SLC24A3: variants seen among roughly 807,000 people sequenced by gnomAD.
The protein encoded by SLC24A3 is solute carrier family 24 member 3.
In SLC24A3, 28 loss-of-function variants were observed where a neutral mutation model predicts 75.8. That is an observed-to-expected ratio of 0.37 (90% CI 0.27 to 0.51). The LOEUF (loss-of-function observed/expected upper bound fraction) is 0.51, where lower values mean the gene tolerates loss of function less well. SLC24A3 is among the 20% of genes least tolerant of loss of function. The probability of loss-of-function intolerance (pLI) is 0.94; values close to 1 mark genes in which losing one functional copy is unlikely to be tolerated. For synonymous variants in SLC24A3, 372 were observed against 334.1 expected (o/e 1.11, Z -1.24); for missense variants, 663 against 847.8 (o/e 0.78, Z 2.71).
intron 2 of SLC24A3, among the ~76,000 whole-genome samples, chr20:19,449,677 C>T (rs73900160): frequency 0.015 from 2,220 of 152,266 alleles, 48 homozygotes; most frequent in African/African-American, 0.051. Context: ...TCTTCCTGGG[C>T]AGTCATGTTT....
In SLC24A3 at chr20:19,687,470, G is replaced by C. The variant is rs142895679; in HGVS notation, c.1324+2109G>C. On this transcript the variant is annotated intron_variant, in intron 12 of 16. Coordinates refer to ENST00000328041, the MANE Select transcript of SLC24A3 (RefSeq NM_020689.4). ...CCACTCACAGACCCTGAGAATCTTAGGGACCTGTGTCTAGAATTCCACTTA... is the reference window on the plus strand; with the variant it reads ...CCACTCACAGACCCTGAGAATCTTACGGACCTGTGTCTAGAATTCCACTTA... 2.6e-5 allele frequency among the ~76,000 whole-genome samples: 4 copies of C among 152,308 alleles called. No individual in the cohort carries two copies. In the East Asian group the frequency reaches 7.7e-4, roughly 29 times the overall value.
intron 9 of SLC24A3, among the ~76,000 whole-genome samples, chr20:19,678,437 C>T (rs1251219235): frequency 7.4e-6 from 1 of 135,214 alleles, no homozygotes; most frequent in South Asian, 2.2e-4. Context: ...CCTCACCTCC[C>T]GGACGGGGCG....
intron 6 of SLC24A3, among the ~76,000 whole-genome samples, chr20:19,652,677 C>A (rs1471110870): frequency 1.3e-5 from 2 of 152,142 alleles, no homozygotes; most frequent in African/African-American, 4.8e-5. Flanking sequence ...AAGAGACTGG[C>A]CTTGTTATTC....
chr20:19,249,676 G>T (rs1982594179), intron 1 of SLC24A3, among the ~76,000 whole-genome samples: 1 of 152,122 alleles, frequency 6.6e-6, no homozygotes, highest in Admixed American at 6.5e-5. Context: ...TTCACAATTT[G>T]CTGTCTATTG....
chr20:19,693,704 G>A, intron 13 of SLC24A3: 1 of 352,996 alleles, frequency 2.8e-6, no homozygotes, highest in Non-Finnish European at 5.2e-6. Flanking sequence ...GGCAGCAGGT[G>A]GGGTCCATGT....
intron 2 of SLC24A3, among the ~76,000 whole-genome samples, chr20:19,471,820 C>T (rs974863684): frequency 2.0e-5 from 3 of 152,140 alleles, no homozygotes; most frequent in Admixed American, 2.0e-4. Context: ...AAAGTTTTAA[C>T]TGAATGGAGG....
At chr20:19,374,032 C>T (rs1376935783) in intron 2 of SLC24A3, among the ~76,000 whole-genome samples, 2 of 152,152 alleles carry the variant, frequency 1.3e-5, no homozygotes, top group African/African-American at 4.8e-5. Flanking sequence ...TTCACAGCAT[C>T]ATTTTGTAAC....
chr20:19,442,177 G>A (rs1987308961), intron 2 of SLC24A3, among the ~76,000 whole-genome samples: 1 of 152,098 alleles, frequency 6.6e-6, no homozygotes, highest in Non-Finnish European at 1.5e-5. Flanking sequence ...TTATGTGTAG[G>A]CTGTTGTGTG....
intron 2 of SLC24A3, among the ~76,000 whole-genome samples, chr20:19,489,524 T>TAAG (rs1988175605): frequency 6.6e-6 from 1 of 152,236 alleles, no homozygotes; most frequent in South Asian, 2.1e-4. Context: ...TGCAATTTGA[T>TAAG]AAGTACTATT....
chr20:19,528,284 T>C (rs894768531), intron 3 of SLC24A3, among the ~76,000 whole-genome samples: 21 of 152,146 alleles, frequency 1.4e-4, no homozygotes, highest in African/African-American at 4.6e-4. Flanking sequence ...TCAGGGGACA[T>C]TTGTAATAAA....
intron 3 of SLC24A3, among the ~76,000 whole-genome samples, chr20:19,565,829 G>A (rs1318433806): frequency 6.6e-6 from 1 of 152,150 alleles, no homozygotes; most frequent in African/African-American, 2.4e-5. Context: ...CAGATCAGGG[G>A]CTTTGAAGTC....
chr20:19,562,632 G>A (rs537041294), intron 3 of SLC24A3, among the ~76,000 whole-genome samples: 33 of 152,314 alleles, frequency 2.2e-4, no homozygotes, highest in Admixed American at 4.6e-4. Context: ...GTATGGCTTC[G>A]TTAGCTGTAC....
intron 2 of SLC24A3, among the ~76,000 whole-genome samples, chr20:19,494,102 A>G (rs1988246430): frequency 1.4e-5 from 2 of 145,658 alleles, no homozygotes; most frequent in South Asian, 2.3e-4. Context: ...TTTGATGGGT[A>G]TCTCTCTGTG....
chr20:19,705,820 G>C (rs1353498448), intron 15 of SLC24A3, among the ~76,000 whole-genome samples: 1 of 152,190 alleles, frequency 6.6e-6, no homozygotes, highest in African/African-American at 2.4e-5. Context: ...AAGGATGAAT[G>C]CAGTTTTACA....
At chr20:19,599,345 G>T (rs1336494437) in intron 6 of SLC24A3, among the ~76,000 whole-genome samples, 1 of 152,134 alleles carries the variant, frequency 6.6e-6, no homozygotes, top group Non-Finnish European at 1.5e-5. Flanking sequence ...GGTCCCTCCC[G>T]CGCACCTGGC....
chr20:19,624,770 G>A (rs1264056021), intron 6 of SLC24A3, among the ~76,000 whole-genome samples: 4 of 152,224 alleles, frequency 2.6e-5, no homozygotes, highest in Non-Finnish European at 4.4e-5. Flanking sequence ...ATCTTGGGAA[G>A]AGGAAGTGAG....
chr20:19,472,409 T>C (rs1987890339), intron 2 of SLC24A3, among the ~76,000 whole-genome samples: 1 of 152,234 alleles, frequency 6.6e-6, no homozygotes. Context: ...TGCCCTGGGA[T>C]GGCAGGTAGG....
chr20:19,311,566 ATGGGGCCTCCCATCCTGGGAGGTG>A (rs2122261681), intron 2 of SLC24A3, among the ~76,000 whole-genome samples: 1 of 152,034 alleles, frequency 6.6e-6, no homozygotes, highest in African/African-American at 2.4e-5. Flanking sequence ...GAGGGCCAGG[ATGGGGCCTCCCATCCTGGGAGGTG>A]TGGGGTAAAG....
chr20:19,402,533 C>T (rs892770239), intron 2 of SLC24A3, among the ~76,000 whole-genome samples: 10 of 152,212 alleles, frequency 6.6e-5, no homozygotes, highest in African/African-American at 2.4e-4. Flanking sequence ...GACAGCCCAG[C>T]AATATTAAGC....
Sources: allele counts gnomAD v4.1 joint callset (sites outside exome capture counted in the v4.1 genomes callset), GRCh38; gene constraint gnomAD v4.1.1; transcripts MANE v1.5; gene names NCBI Gene and HGNC (gene_info 2026-07-23, HGNC 2026-07-21).